RBFOX1: variants seen among roughly 807,000 people sequenced by gnomAD.
RBFOX1 encodes RNA binding fox-1 homolog 1, also known as RNA binding protein fox-1 homolog 1.
In RBFOX1, 8 loss-of-function variants were observed where a neutral mutation model predicts 57.7. The observed-to-expected ratio is 0.14, with a 90% CI of 0.08 to 0.25. The LOEUF (loss-of-function observed/expected upper bound fraction) is 0.25. Ranked by LOEUF, RBFOX1 falls within the 10% of genes least tolerant of loss-of-function variation. The pLI, the probability that RBFOX1 is intolerant of heterozygous loss-of-function variation, is 1.00. For missense variants in RBFOX1, 611 were observed against 548.5 expected (o/e 1.11, Z -1.14); for synonymous variants, 326 against 222.4 (o/e 1.47, Z -4.15).
At chr16:5,778,622 G>A (rs1170361085) in intron 3 of RBFOX1, among the ~76,000 whole-genome samples, 1 of 152,174 alleles carries the variant, frequency 6.6e-6, no homozygotes, top group African/African-American at 2.4e-5. Flanking sequence ...TACCAAGTAG[G>A]TTTGACTCAT....
intron 1 of RBFOX1, among the ~76,000 whole-genome samples, chr16:6,299,107 C>A (rs980384758): frequency 6.6e-6 from 1 of 152,114 alleles, no homozygotes; most frequent in African/African-American, 2.4e-5. Context: ...GGAAAGTAAC[C>A]CCAAGCAATG....
chr16:5,981,335 T>A (rs1174143482), intron 4 of RBFOX1, among the ~76,000 whole-genome samples: 2 of 152,214 alleles, frequency 1.3e-5, no homozygotes, highest in African/African-American at 4.8e-5. Context: ...GGACACAGGT[T>A]CTGTGGGTCT....
intron 4 of RBFOX1, among the ~76,000 whole-genome samples, chr16:7,334,071 C>T (rs567373066): frequency 2.4e-4 from 37 of 152,254 alleles, no homozygotes; most frequent in African/African-American, 8.2e-4. Context: ...CTATATGATA[C>T]CCTAGCTCAT....
intron 2 of RBFOX1, among the ~76,000 whole-genome samples, chr16:6,523,841 G>A (rs1460908457): frequency 6.6e-6 from 1 of 152,160 alleles, no homozygotes; most frequent in African/African-American, 2.4e-5. Context: ...AAAAAAATGT[G>A]CCTTGCTACC....
intron 4 of RBFOX1, among the ~76,000 whole-genome samples, chr16:7,475,225 G>T (rs2062401464): frequency 6.6e-6 from 1 of 152,064 alleles, no homozygotes; most frequent in Non-Finnish European, 1.5e-5. Context: ...GAACAAAAGG[G>T]AGGAGTGTGT....
chr16:5,454,738 T>G (rs1240663103), intron 1 of RBFOX1, among the ~76,000 whole-genome samples: 1 of 137,090 alleles, frequency 7.3e-6, no homozygotes, highest in African/African-American at 2.9e-5. Context: ...TCTCTTTCTT[T>G]CTTTCTTTTT....
chr16:7,023,794 T>A (rs1449922199), intron 3 of RBFOX1, among the ~76,000 whole-genome samples: 3 of 152,130 alleles, frequency 2.0e-5, no homozygotes, highest in African/African-American at 7.2e-5. Flanking sequence ...TCGGCATCCT[T>A]CTGAACACTC....
intron 3 of RBFOX1, among the ~76,000 whole-genome samples, chr16:6,889,383 C>T (rs562275624): frequency 2.0e-5 from 3 of 152,248 alleles, no homozygotes; most frequent in East Asian, 3.9e-4. Context: ...GCAGTAAGGC[C>T]AGTGATATCT....
chr16:7,702,137 G>C (rs2080938913), intron 14 of RBFOX1, among the ~76,000 whole-genome samples: 1 of 152,164 alleles, frequency 6.6e-6, no homozygotes, highest in South Asian at 2.1e-4. Context: ...ACTGGGATTA[G>C]CCCAGACCTT....
chr16:7,213,503 T>A (rs960403759), intron 4 of RBFOX1, among the ~76,000 whole-genome samples: 1 of 152,054 alleles, frequency 6.6e-6, no homozygotes, highest in Non-Finnish European at 1.5e-5. Flanking sequence ...AATGAGTATT[T>A]AGTAAAGATG....
At chr16:7,279,324 G>C (rs901330161) in intron 4 of RBFOX1, among the ~76,000 whole-genome samples, 3 of 152,118 alleles carry the variant, frequency 2.0e-5, no homozygotes, top group African/African-American at 7.2e-5. Flanking sequence ...TCTCAGAAAT[G>C]TCTTGTTTTC....
chr16:7,372,205 C>G (rs1020163034), intron 4 of RBFOX1, among the ~76,000 whole-genome samples: 1 of 152,098 alleles, frequency 6.6e-6, no homozygotes, highest in Non-Finnish European at 1.5e-5. Context: ...TTCTCACCAT[C>G]AGTGCAGACA....
intron 3 of RBFOX1, among the ~76,000 whole-genome samples, chr16:7,029,660 A>G (rs2042288827): frequency 6.6e-6 from 1 of 152,124 alleles, no homozygotes; most frequent in African/African-American, 2.4e-5. Context: ...CGGAAATAGG[A>G]TATTCTAATT....
intron 4 of RBFOX1, among the ~76,000 whole-genome samples, chr16:7,266,726 A>G (rs1181440786): frequency 6.6e-6 from 1 of 152,194 alleles, no homozygotes; most frequent in Non-Finnish European, 1.5e-5. Flanking sequence ...ATAAAAAAGT[A>G]AGCAAAAAGT....
chr16:7,305,229 C>G (rs1310531130), intron 4 of RBFOX1, among the ~76,000 whole-genome samples: 1 of 151,796 alleles, frequency 6.6e-6, no homozygotes, highest in Admixed American at 6.6e-5. Flanking sequence ...ACATTTCAGT[C>G]TTTTGACACC....
chr16:6,783,460 T>G (rs538673389), intron 3 of RBFOX1, among the ~76,000 whole-genome samples: 1 of 150,506 alleles, frequency 6.6e-6, no homozygotes, highest in Admixed American at 6.6e-5. Flanking sequence ...AAAAAAATCT[T>G]ATAACCAATT....
rs532569290 is a variant in RBFOX1 at position 6,445,839 on chromosome 16, C to A, written c.-64+128782C>A. On this transcript the variant is annotated intron_variant, in intron 2 of 15. Coordinates refer to ENST00000550418, the MANE Select transcript of RBFOX1 (RefSeq NM_018723.4). ...CTCGTGATCTGCCCTCCTCAGCCTC[C>A]CAAAGTGCTGGGATTACTGGCGTGA... Among the ~76,000 whole-genome samples the A allele has an allele frequency of 2.0e-5, 3 of 152,300 alleles. No individual in the cohort carries two copies. The South Asian group carries it at 6.2e-4, about 32-fold the overall frequency.
chr16:6,433,949 G>A (rs1169966602), intron 2 of RBFOX1, among the ~76,000 whole-genome samples: 1 of 149,992 alleles, frequency 6.7e-6, no homozygotes, highest in Non-Finnish European at 1.5e-5. Flanking sequence ...CCGGGTTCAA[G>A]CAATTTCCAT....
intron 4 of RBFOX1, among the ~76,000 whole-genome samples, chr16:7,197,309 C>G (rs1015328851): frequency 2.0e-5 from 3 of 152,114 alleles, no homozygotes; most frequent in African/African-American, 4.8e-5. Context: ...CAGGAAGCGA[C>G]TGAGCTTGCT....
Sources: allele counts gnomAD v4.1 joint callset (sites outside exome capture counted in the v4.1 genomes callset), GRCh38; gene constraint gnomAD v4.1.1; transcripts MANE v1.5; gene names NCBI Gene and HGNC (gene_info 2026-07-23, HGNC 2026-07-21).